KCNH7: variants seen among roughly 807,000 people sequenced by gnomAD.
KCNH7 encodes voltage-gated inwardly rectifying potassium channel KCNH7.
KCNH7 carries 49 observed loss-of-function variants against 120.8 expected under a neutral mutation model. The observed-to-expected ratio is 0.41, with a 90% CI of 0.32 to 0.51. The LOEUF is 0.51. Ranked by LOEUF, KCNH7 falls within the 20% of genes least tolerant of loss-of-function variation. The pLI is 0.38. For synonymous variants in KCNH7, 547 were observed against 516.1 expected (o/e 1.06, Z -0.81); for missense variants, 1,097 against 1,446.6 (o/e 0.76, Z 3.92).
intron 2 of KCNH7, among the ~76,000 whole-genome samples, chr2:162,676,517 G>A (rs1559076826): frequency 1.3e-5 from 2 of 151,518 alleles, no homozygotes; most frequent in South Asian, 4.1e-4. Context: ...TGACACAGTT[G>A]CATTAAAACA....
intron 2 of KCNH7, among the ~76,000 whole-genome samples, chr2:162,576,238 A>G (rs1006950662): frequency 6.6e-6 from 1 of 152,018 alleles, no homozygotes; most frequent in African/African-American, 2.4e-5. Flanking sequence ...TTTCTTTGAC[A>G]CTATTTGAGG....
At chr2:162,412,304 G>A (rs778180046) in intron 9 of KCNH7, among the ~76,000 whole-genome samples, 2 of 151,908 alleles carry the variant, frequency 1.3e-5, no homozygotes, top group Admixed American at 1.3e-4. Context: ...TATTGAACTG[G>A]ATTTTGTTTT....
rs1418199939 is a variant in KCNH7, at chr2:162,569,895, T to C, written c.308-32815A>G. ...TTTCATTGCACTGTGGTCTGAGAGA[T>C]AGTTTGTTATAATTTCTGTTCTTTT... On this transcript the variant is annotated intron_variant, in intron 2 of 15. Transcript: ENST00000332142. Among the ~76,000 whole-genome samples, 5 of 120,628 alleles carry C rather than the reference T, an allele frequency of 4.1e-5. No individual in the cohort carries two copies. In the Admixed American group the frequency reaches 4.7e-4, roughly 11 times the overall value. The allele number at this position is 120,628 out of a possible 152,430, so 79.1% of individuals were successfully genotyped here. A position where few individuals can be genotyped will look rare whatever the true frequency, so the allele number is the denominator to read the frequency against.
At chr2:162,642,602 T>C (rs1684201232) in intron 2 of KCNH7, among the ~76,000 whole-genome samples, 1 of 152,232 alleles carries the variant, frequency 6.6e-6, no homozygotes, top group Non-Finnish European at 1.5e-5. Context: ...GAATGATTCA[T>C]GGAGGACCAT....
chr2:162,494,702 C>T (rs1014300437), intron 6 of KCNH7, among the ~76,000 whole-genome samples: 2 of 152,182 alleles, frequency 1.3e-5, no homozygotes, highest in African/African-American at 2.4e-5. Flanking sequence ...TGTTGTCTTG[C>T]TTTGATCCTT....
Position 162,379,986 on chromosome 2 carries a change from C to A in KCNH7, c.2998G>T (p.Ala1000Ser), listed in dbSNP as rs762024422. The part of the protein sequence containing the change: ...TDMRSWEREN[A>S]HPQPEDSSPS... ...CTGGAGTCTTCAGGCTGGGGATGTG[C>A]ATTTTCTCGTTCCCAGCTTCGCATG... Residue 1000 changes from alanine (A) to serine (S), a missense_variant, in exon 14 of 16, where the codon GCA (alanine) becomes TCA (serine). By Grantham distance (99) the Ala-to-Ser change is moderately conservative. Transcript: ENST00000332142. 1 of 1,613,996 alleles carries A rather than the reference C, an allele frequency of 6.2e-7. No individual in the cohort carries two copies. Among genetic ancestry groups the A allele is most frequent in the South Asian group, 1.1e-5 (1 of 91,074 alleles).
At chr2:162,594,647 T>C (rs892877620) in intron 2 of KCNH7, among the ~76,000 whole-genome samples, 1 of 152,030 alleles carries the variant, frequency 6.6e-6, no homozygotes, top group Non-Finnish European at 1.5e-5. Context: ...AAAAGAAGGA[T>C]GGCTGTGCTG....
intron 2 of KCNH7, among the ~76,000 whole-genome samples, chr2:162,554,076 T>C (rs1692777148): frequency 6.6e-6 from 1 of 152,210 alleles, no homozygotes; most frequent in Admixed American, 6.5e-5. Context: ...AGCTAATGTT[T>C]ACAGGGAACA....
intron 2 of KCNH7, among the ~76,000 whole-genome samples, chr2:162,540,591 T>C (rs1432901316): frequency 6.6e-6 from 1 of 152,058 alleles, no homozygotes; most frequent in African/African-American, 2.4e-5. Flanking sequence ...CTTTGAGGAA[T>C]AGCATAGAAG....
intron 2 of KCNH7, among the ~76,000 whole-genome samples, chr2:162,550,442 G>A (rs1357606344): frequency 1.3e-5 from 2 of 152,146 alleles, no homozygotes. Context: ...CCATGTTGGA[G>A]TATTTATTCC....
chr2:162,506,611 ACT>A (rs1690891398), intron 5 of KCNH7, among the ~76,000 whole-genome samples: 1 of 151,166 alleles, frequency 6.6e-6, no homozygotes, highest in African/African-American at 2.4e-5. Context: ...TCATCTTTCC[ACT>A]CTCTTTTTTT....
At chr2:162,742,246 C>T (rs956357097) in intron 2 of KCNH7, among the ~76,000 whole-genome samples, 12 of 152,148 alleles carry the variant, frequency 7.9e-5, no homozygotes, top group South Asian at 4.1e-4. Context: ...AAGAATGACA[C>T]GAAGAGTTGG....
rs572623053 is a variant in KCNH7, at chr2:162,830,550, GT to G, written c.307+5986del. Among the ~76,000 whole-genome samples, 6 of 152,296 alleles carry G rather than the reference GT, an allele frequency of 3.9e-5. No individual in the cohort carries two copies. The South Asian group carries it at 6.2e-4, about 16-fold the overall frequency. On this transcript the variant is annotated intron_variant, in intron 2 of 15. Transcript: ENST00000332142. ...TAAACTCCAACAAGTTCATCTAGTT[GT>G]TATCAGAGCTGGGAATCCAGCTGGA... is the stretch of plus-strand genomic sequence containing the variant.
intron 2 of KCNH7, among the ~76,000 whole-genome samples, chr2:162,752,903 A>AAAAAAGAAAAGAAAG (rs1688612139): frequency 6.2e-5 from 2 of 32,082 alleles, no homozygotes; most frequent in Non-Finnish European, 5.6e-4. Context: ...TACATCTCAG[A>AAAAAAGAAAAGAAAG]AAAAGAAAAG....
At chr2:162,494,951 T>C (rs191550711) in intron 6 of KCNH7, among the ~76,000 whole-genome samples, 1 of 152,356 alleles carries the variant, frequency 6.6e-6, no homozygotes, top group Admixed American at 6.5e-5. Context: ...GTTTTGTTTT[T>C]CAGAGTCAAG....
intron 2 of KCNH7, among the ~76,000 whole-genome samples, chr2:162,810,552 T>A (rs1164750074): frequency 1.3e-5 from 2 of 152,132 alleles, no homozygotes. Flanking sequence ...GAAAGGTATG[T>A]TTATATTTGC....
chr2:162,495,894 C>T (rs1397336933), intron 6 of KCNH7, among the ~76,000 whole-genome samples: 1 of 152,134 alleles, frequency 6.6e-6, no homozygotes, highest in Admixed American at 6.5e-5. Context: ...AAGCTAAGCC[C>T]CATGCATCCA....
rs998563203 is a variant in KCNH7 at position 162,474,933 on chromosome 2, T to C, written c.1129-28490A>G. ...TGATTGCTCTGGAGGAAATCAGCCT[T>C]GCTGGAAGGCTCACGTAAGTGAGCT... On this transcript the variant is annotated intron_variant, in intron 6 of 15. Coordinates refer to ENST00000332142, the MANE Select transcript of KCNH7 (RefSeq NM_033272.4). 5.9e-5 allele frequency among the ~76,000 whole-genome samples: 9 copies of C among 152,240 alleles called. No homozygotes were observed. In the South Asian group the frequency reaches 1.2e-3, roughly 21 times the overall value.
chr2:162,823,285 T>C (rs1685177557), intron 2 of KCNH7, among the ~76,000 whole-genome samples: 1 of 152,158 alleles, frequency 6.6e-6, no homozygotes, highest in Non-Finnish European at 1.5e-5. Flanking sequence ...AAGTGCTCAA[T>C]GATACTTATT....
Sources: gnomAD v4.1 joint callset for allele counts (sites outside exome capture counted in the v4.1 genomes callset) on GRCh38, gnomAD v4.1.1 for gene constraint, MANE v1.5 for transcripts, NCBI Gene and HGNC (gene_info 2026-07-23, HGNC 2026-07-21) for gene names.